ARHGEF3: variants seen among roughly 807,000 people sequenced by gnomAD.
The protein encoded by ARHGEF3 is Rho guanine nucleotide exchange factor 3.
ARHGEF3 carries 28 observed loss-of-function variants against 63.2 expected under a neutral mutation model. That is an observed-to-expected ratio of 0.44 (90% CI 0.33 to 0.61). The LOEUF (loss-of-function observed/expected upper bound fraction) is 0.61, where lower values mean the gene tolerates loss of function less well. Ranked by LOEUF, ARHGEF3 falls within the 20% of genes least tolerant of loss-of-function variation. The pLI is 0.03. For synonymous variants in ARHGEF3, 266 were observed against 254.2 expected, an observed-to-expected ratio of 1.05 and a Z score of -0.44; for missense variants, 533 against 659.3, an observed-to-expected ratio of 0.81 and a Z score of 2.10.
chr3:56,926,690 A>G (rs2042283701), intron 3 of ARHGEF3, among the ~76,000 whole-genome samples: 1 of 152,242 alleles, frequency 6.6e-6, no homozygotes, highest in Non-Finnish European at 1.5e-5. Flanking sequence ...GGAGAAAACA[A>G]GGAATTCCCC....
chr3:56,967,430 T>TTATATAA (rs1244798520), intron 2 of ARHGEF3, among the ~76,000 whole-genome samples: 2 of 71,574 alleles, frequency 2.8e-5, no homozygotes, highest in African/African-American at 1.1e-4. Context: ...ATATTATATA[T>TTATATAA]TATATAATAT....
intron 1 of ARHGEF3, among the ~76,000 whole-genome samples, chr3:57,072,217 T>G (rs1362524381): frequency 6.6e-6 from 1 of 152,162 alleles, no homozygotes; most frequent in African/African-American, 2.4e-5. Context: ...TGGCAGTTCC[T>G]CAAAATGTTA....
At chr3:57,035,493 C>T (rs971011211) in intron 1 of ARHGEF3, among the ~76,000 whole-genome samples, 1 of 152,184 alleles carries the variant, frequency 6.6e-6, no homozygotes, top group Admixed American at 6.5e-5. Flanking sequence ...AGTTTACAGG[C>T]ACACGCCACC....
intron 3 of ARHGEF3, among the ~76,000 whole-genome samples, chr3:56,908,011 C>A (rs2041748002): frequency 6.6e-6 from 1 of 152,146 alleles, no homozygotes; most frequent in South Asian, 2.1e-4. Context: ...TACCCCTGAA[C>A]TTAAAAGAAC....
At chr3:56,982,318 T>A (rs1246464690) in intron 2 of ARHGEF3, among the ~76,000 whole-genome samples, 2 of 151,562 alleles carry the variant, frequency 1.3e-5, no homozygotes, top group East Asian at 1.9e-4. Flanking sequence ...AAAAGAACTA[T>A]GCTTTGTTTC....
At chr3:57,010,316 C>T (rs1030263455) in intron 2 of ARHGEF3, among the ~76,000 whole-genome samples, 9 of 152,036 alleles carry the variant, frequency 5.9e-5, no homozygotes, top group African/African-American at 7.2e-5. Flanking sequence ...ATTAGCCGGG[C>T]GTGGTGGCGG....
chr3:56,760,468 A>G (rs779644073), intron 2 of ARHGEF3, among the ~76,000 whole-genome samples: 10 of 152,116 alleles, frequency 6.6e-5, no homozygotes, highest in Non-Finnish European at 1.2e-4. Context: ...ACCACTATGA[A>G]TTTCTTGCTT....
chr3:56,967,778 T>G (rs1700626147), intron 2 of ARHGEF3, among the ~76,000 whole-genome samples: 1 of 86,924 alleles, frequency 1.2e-5, no homozygotes, highest in South Asian at 3.7e-4. Context: ...ATATATTATA[T>G]TATATGATTA....
intron 2 of ARHGEF3, among the ~76,000 whole-genome samples, chr3:57,028,060 G>A (rs1460998293): frequency 2.0e-5 from 3 of 151,172 alleles, no homozygotes; most frequent in South Asian, 2.1e-4. Flanking sequence ...TGGAGAGGAT[G>A]TGGAGAAATA....
chr3:56,974,300 G>GT (rs1264062195), intron 2 of ARHGEF3, among the ~76,000 whole-genome samples: 1 of 152,076 alleles, frequency 6.6e-6, no homozygotes, highest in African/African-American at 2.4e-5. Flanking sequence ...TAATATACTA[G>GT]TTATATAAAT....
intron 2 of ARHGEF3, among the ~76,000 whole-genome samples, chr3:56,962,241 G>A (rs1409083046): frequency 6.6e-6 from 1 of 152,150 alleles, no homozygotes; most frequent in African/African-American, 2.4e-5. Context: ...GCACCATCAC[G>A]GAAGCACCAA....
At chr3:56,852,450 C>T (rs1025652384) in intron 4 of ARHGEF3, among the ~76,000 whole-genome samples, 2 of 152,040 alleles carry the variant, frequency 1.3e-5, no homozygotes, top group Admixed American at 6.6e-5. Context: ...CCACACTGAC[C>T]CTATTGCAGT....
At chr3:57,035,217 T>C in intron 1 of ARHGEF3, 1 of 1,155,178 alleles carries the variant, frequency 8.7e-7, no homozygotes, top group East Asian at 2.6e-5. Flanking sequence ...ATCATCTAGG[T>C]ACATTTATGT....
chr3:57,056,799 T>C (rs757768113), intron 1 of ARHGEF3, among the ~76,000 whole-genome samples: 73 of 152,034 alleles, frequency 4.8e-4, no homozygotes, highest in Non-Finnish European at 9.0e-4. Context: ...CTCTATGAGG[T>C]TGATGCACCA....
At chr3:56,856,159 T>A (rs1280597284) in intron 4 of ARHGEF3, among the ~76,000 whole-genome samples, 1 of 152,112 alleles carries the variant, frequency 6.6e-6, no homozygotes, top group Non-Finnish European at 1.5e-5. Context: ...CAGTCAGTCC[T>A]GGGGGGTGTC....
At chr3:56,814,433 G>A (rs2038189494) in intron 4 of ARHGEF3, among the ~76,000 whole-genome samples, 1 of 152,056 alleles carries the variant, frequency 6.6e-6, no homozygotes, top group Non-Finnish European at 1.5e-5. Flanking sequence ...GAGAAGCCTG[G>A]GTTCAAATAC....
At chr3:56,957,756 A>C (rs932832762) in intron 3 of ARHGEF3, among the ~76,000 whole-genome samples, 1 of 152,142 alleles carries the variant, frequency 6.6e-6, no homozygotes, top group African/African-American at 2.4e-5. Context: ...CAGTGTGTGT[A>C]GGAGTGTGGT....
At chr3:56,766,016 C>T (rs770371025) in intron 2 of ARHGEF3, among the ~76,000 whole-genome samples, 9 of 151,812 alleles carry the variant, frequency 5.9e-5, no homozygotes, top group Non-Finnish European at 8.8e-5. Context: ...AAGAATTTGA[C>T]GTTCCTGGTT....
At chr3:57,042,688 A>ATTTT (rs1560156283) in intron 1 of ARHGEF3, among the ~76,000 whole-genome samples, 102 of 8,828 alleles carry the variant, frequency 0.012, 6 homozygotes, top group East Asian at 0.058. Context: ...ATATATATAT[A>ATTTT]TATATATATA....
Sources: gnomAD v4.1 joint callset for allele counts (sites outside exome capture counted in the v4.1 genomes callset) on GRCh38, gnomAD v4.1.1 for gene constraint, MANE v1.5 for transcripts, NCBI Gene and HGNC (gene_info 2026-07-23, HGNC 2026-07-21) for gene names.